NDUFAF6: variants seen among roughly 807,000 people sequenced by gnomAD.
NDUFAF6 encodes the protein NADH dehydrogenase (ubiquinone) complex I, assembly factor 6.
Under a neutral mutation model 40.8 loss-of-function variants are expected in NDUFAF6, and 45 were observed. The ratio of observed to expected loss-of-function variants is 1.10; its 90% CI spans 0.87 to 1.42. NDUFAF6 has a LOEUF of 1.42. Among genes scored for constraint, NDUFAF6 ranks in the 40% most tolerant of loss-of-function variants. The pLI, the probability that NDUFAF6 is intolerant of heterozygous loss-of-function variation, is 0.00. For missense variants in NDUFAF6, 435 were observed against 418.5 expected (o/e 1.04, Z -0.34); for synonymous variants, 185 against 155.9 (o/e 1.19, Z -1.39).
chr8:95,059,202 T>C (rs547220857), downstream of NDUFAF6, among the ~76,000 whole-genome samples: 1 of 152,228 alleles, frequency 6.6e-6, no homozygotes, highest in Non-Finnish European at 1.5e-5. Flanking sequence ...GTATTTTCAG[T>C]AGTCTTGTCT....
chr8:95,054,189 C>T (rs1476958256), intron 8 of NDUFAF6, among the ~76,000 whole-genome samples: 1 of 151,626 alleles, frequency 6.6e-6, no homozygotes. Context: ...CCAAGCAATC[C>T]TCCAGCCTTG....
At chr8:94,917,638 G>A (rs1386352971) in intron 1 of NDUFAF6, among the ~76,000 whole-genome samples, 2 of 152,072 alleles carry the variant, frequency 1.3e-5, no homozygotes, top group Admixed American at 1.3e-4. Flanking sequence ...AAAATTTAGT[G>A]CATCAACACT....
chr8:95,007,409 A>T (rs1013777080), intron 2 of NDUFAF6, among the ~76,000 whole-genome samples: 7 of 152,138 alleles, frequency 4.6e-5, no homozygotes, highest in Admixed American at 1.3e-4. Context: ...CATGCCCATA[A>T]TCCCAATACT....
chr8:94,949,025 C>T (rs1471702936), intron 2 of NDUFAF6: 4 of 148,886 alleles, frequency 2.7e-5, no homozygotes, highest in East Asian at 3.9e-4. Flanking sequence ...TCGGTGAACG[C>T]GCAACCGGCG....
chr8:95,033,397 T>G (rs950055717), intron 2 of NDUFAF6, among the ~76,000 whole-genome samples: 3 of 152,214 alleles, frequency 2.0e-5, no homozygotes, highest in African/African-American at 7.2e-5. Context: ...TTCTGTCACT[T>G]TGTACTTCTT....
chr8:94,972,706 C>T (rs1020565349), intron 1 of NDUFAF6, among the ~76,000 whole-genome samples: 7 of 132,692 alleles, frequency 5.3e-5, no homozygotes, highest in Admixed American at 1.7e-4. Context: ...GCCTGGGCAA[C>T]GTAGCAAGAC....
intron 1 of NDUFAF6, among the ~76,000 whole-genome samples, chr8:94,922,734 C>T (rs1355871393): frequency 6.6e-6 from 1 of 152,188 alleles, no homozygotes; most frequent in Non-Finnish European, 1.5e-5. Flanking sequence ...CCACCTCGGC[C>T]TCCCAAAGTG....
chr8:95,028,907 C>T (rs1008375301), intron 1 of NDUFAF6, among the ~76,000 whole-genome samples: 2 of 152,152 alleles, frequency 1.3e-5, no homozygotes, highest in African/African-American at 4.8e-5. Flanking sequence ...CCTTCGCTGT[C>T]CTTAGAAACT....
rs540970287 is a variant in NDUFAF6 at position 95,054,406 on chromosome 8, C to T, written c.873+2176C>T. ...TCACAGACCTGCCGAATCAGAAACT[C>T]GGGGGGTGGGGCCCAGTTCTCAGCT... On this transcript the variant is annotated intron_variant, in intron 8 of 8. Coordinates refer to ENST00000396124, the MANE Select transcript of NDUFAF6 (RefSeq NM_152416.4). Among the ~76,000 whole-genome samples, 13 of 149,444 alleles carry T rather than the reference C, an allele frequency of 8.7e-5. No individual in the cohort carries two copies. In the South Asian group the frequency reaches 1.1e-3, roughly 12 times the overall value.
intron 1 of NDUFAF6, chr8:94,929,418 TAAAAAAAA>T (rs77909682): frequency 7.1e-6 from 1 of 140,178 alleles, no homozygotes; most frequent in Admixed American, 7.2e-5. Flanking sequence ...ACAAGGCAAT[TAAAAAAAA>T]AAAAAGAAAA....
At chr8:95,043,820 A>G (rs1830416302) in intron 4 of NDUFAF6, among the ~76,000 whole-genome samples, 1 of 152,232 alleles carries the variant, frequency 6.6e-6, no homozygotes, top group Non-Finnish European at 1.5e-5. Context: ...TTGGAAAAAT[A>G]GTTTGGCAAC....
intron 1 of NDUFAF6, among the ~76,000 whole-genome samples, chr8:94,969,896 G>A (rs1824316837): frequency 6.6e-6 from 1 of 152,194 alleles, no homozygotes; most frequent in African/African-American, 2.4e-5. Flanking sequence ...TGAAAAGGAG[G>A]AACTACAACT....
At chr8:95,061,557 C>CT (rs1428175492), downstream of NDUFAF6, among the ~76,000 whole-genome samples, 3 of 152,102 alleles carry the variant, frequency 2.0e-5, no homozygotes, top group Admixed American at 6.6e-5. Flanking sequence ...ATTTTACCTA[C>CT]TTTTTTCTAT....
At chr8:95,092,326 C>T (rs1038122915) in intron 2 of NDUFAF6, among the ~76,000 whole-genome samples, 1 of 151,110 alleles carries the variant, frequency 6.6e-6, no homozygotes, top group Non-Finnish European at 1.5e-5. Context: ...GGATTACAGA[C>T]ACCTGCTATC....
chr8:95,072,449 C>T (rs1292465604), intron 9 of NDUFAF6, among the ~76,000 whole-genome samples: 2 of 152,306 alleles, frequency 1.3e-5, no homozygotes, highest in East Asian at 3.9e-4. Flanking sequence ...GATGTCAAAC[C>T]AAAGCAGTGA....
intron 2 of NDUFAF6, among the ~76,000 whole-genome samples, chr8:95,088,088 C>A (rs1222672660): frequency 6.6e-6 from 1 of 152,192 alleles, no homozygotes; most frequent in Non-Finnish European, 1.5e-5. Flanking sequence ...CTGCTCGCCA[C>A]CCCCATGAGG....
At chr8:95,033,918 C>T (rs1156419146) in intron 2 of NDUFAF6, 1 of 445,454 alleles carries the variant, frequency 2.2e-6, no homozygotes, top group Non-Finnish European at 4.5e-6. Context: ...GTCTTGGAGA[C>T]ACCATTGAAA....
At chr8:95,032,903 A>G (rs73697059) in intron 2 of NDUFAF6, among the ~76,000 whole-genome samples, 242 of 152,306 alleles carry the variant, frequency 1.6e-3, no homozygotes, top group African/African-American at 5.7e-3. Context: ...TTCCTCTGGT[A>G]TCTTCCTGGA....
intron 2 of NDUFAF6, among the ~76,000 whole-genome samples, chr8:95,085,109 C>CTAT (rs201615755): frequency 0.014 from 2,086 of 152,304 alleles, 26 homozygotes; most frequent in Non-Finnish European, 0.02. Flanking sequence ...AGCCCATTGG[C>CTAT]TATTACCTGC....
Sources: gnomAD v4.1 joint callset for allele counts (sites outside exome capture counted in the v4.1 genomes callset) on GRCh38, gnomAD v4.1.1 for gene constraint, MANE v1.5 for transcripts, NCBI Gene and HGNC (gene_info 2026-07-23, HGNC 2026-07-21) for gene names.